PTK7: variants seen among roughly 807,000 people sequenced by gnomAD.
PTK7 encodes inactive tyrosine-protein kinase 7.
Under a neutral mutation model 116.6 loss-of-function variants are expected in PTK7, and 39 were observed. The observed-to-expected ratio is 0.33, with a 90% CI of 0.26 to 0.44. PTK7 has a LOEUF of 0.44. Ranked by LOEUF, PTK7 falls within the 20% of genes least tolerant of loss-of-function variation. PTK7 has a pLI of 1.00. For synonymous variants in PTK7, 546 were observed against 563.6 expected (o/e 0.97, Z 0.44); for missense variants, 1,169 against 1,425.6 (o/e 0.82, Z 2.90).
intron 1 of PTK7, among the ~76,000 whole-genome samples, chr6:43,123,188 C>G (rs758392207): frequency 2.8e-4 from 42 of 152,074 alleles, no homozygotes; most frequent in African/African-American, 8.9e-4. Flanking sequence ...AACTCCTGAT[C>G]TTGTGATCCG....
chr6:43,093,707 T>A (rs561890728), intron 1 of PTK7, among the ~76,000 whole-genome samples: 1 of 152,174 alleles, frequency 6.6e-6, no homozygotes, highest in African/African-American at 2.4e-5. Flanking sequence ...TGACTGTGAG[T>A]GTCTAGGTTC....
At chr6:43,113,896 G>A (rs1351754232) in intron 1 of PTK7, among the ~76,000 whole-genome samples, 1 of 152,132 alleles carries the variant, frequency 6.6e-6, no homozygotes, top group Admixed American at 6.5e-5. Flanking sequence ...TCTGAATCTG[G>A]TGTATATATA....
intron 5 of PTK7, among the ~76,000 whole-genome samples, chr6:43,131,029 T>TCTCACACA (rs749691922): frequency 2.2e-5 from 3 of 133,756 alleles, no homozygotes; most frequent in African/African-American, 8.3e-5. Context: ...GGCAAAGACA[T>TCTCACACA]CACACACACA....
At chr6:43,105,228 C>T (rs556722186) in intron 1 of PTK7, among the ~76,000 whole-genome samples, 1 of 150,956 alleles carries the variant, frequency 6.6e-6, no homozygotes, top group Non-Finnish European at 1.5e-5. Flanking sequence ...CAGAAACCCT[C>T]TCATTATCAG....
In PTK7 at chr6:43,094,680, G is replaced by A. The variant is rs542499593; in HGVS notation, c.79+18113G>A. ...TTTTTAGTAGAGACGGGGTTTCAGC[G>A]TGTTAGCCAGGATGGTCTCGATCTC... is the stretch of plus-strand genomic sequence containing the variant. On this transcript the variant is annotated intron_variant, in intron 1 of 19. Coordinates refer to ENST00000230419, the MANE Select transcript of PTK7 (RefSeq NM_002821.5). Among the ~76,000 whole-genome samples the A allele has an allele frequency of 1.7e-3, 261 of 151,700 alleles. 4 individuals carry two copies. The highest frequency in any genetic ancestry group is 5.7e-3 in the African/African-American group (236 of 41,380).
At position 43,101,095 on chromosome 6, in the gene PTK7, G is replaced by A. The variant is rs199876480; in HGVS notation, c.79+24528G>A. On this transcript the variant is annotated intron_variant, in intron 1 of 19. Transcript: ENST00000230419. ...TAAAAATACAAAATTAGCCGGGCAT[G>A]GTGGCGCATGCCTGTAATCCCAGCT... 1.3e-4 allele frequency among the ~76,000 whole-genome samples: 20 copies of A among 152,180 alleles called. No individual in the cohort carries two copies. In the East Asian group the frequency reaches 3.9e-3, roughly 29 times the overall value.
intron 1 of PTK7, among the ~76,000 whole-genome samples, chr6:43,100,391 A>G (rs906345173): frequency 4.7e-5 from 7 of 150,086 alleles, no homozygotes; most frequent in African/African-American, 1.7e-4. Flanking sequence ...TCAAAAAAAA[A>G]AAAAAATCAT....
At chr6:43,086,638 C>T (rs1195593447) in intron 1 of PTK7, among the ~76,000 whole-genome samples, 1 of 152,108 alleles carries the variant, frequency 6.6e-6, no homozygotes. Flanking sequence ...AGTTTGAGAC[C>T]AGCCTAGGCA....
chr6:43,109,855 C>T (rs189005475), intron 1 of PTK7, among the ~76,000 whole-genome samples: 60 of 151,886 alleles, frequency 4.0e-4, no homozygotes, highest in Non-Finnish European at 6.5e-4. Flanking sequence ...CCCACGACCA[C>T]GCCCGGCTAA....
At chr6:43,111,566 T>C (rs574144447) in intron 1 of PTK7, among the ~76,000 whole-genome samples, 1 of 152,332 alleles carries the variant, frequency 6.6e-6, no homozygotes, top group East Asian at 1.9e-4. Context: ...CACATAATAC[T>C]TCCTATGTGC....
chr6:43,150,006 CAG>C (rs1770975339), intron 17 of PTK7, among the ~76,000 whole-genome samples: 1 of 152,140 alleles, frequency 6.6e-6, no homozygotes, highest in Non-Finnish European at 1.5e-5. Context: ...GAGTTAGTGA[CAG>C]AAATCAAAGA....
At chr6:43,077,428 G>T (rs568178029) in intron 1 of PTK7, among the ~76,000 whole-genome samples, 50 of 152,244 alleles carry the variant, frequency 3.3e-4, no homozygotes, top group African/African-American at 1.1e-3. Context: ...CTTTTCTTGG[G>T]GGGGGGCCTT....
intron 1 of PTK7, chr6:43,077,098 T>C: frequency 1.7e-6 from 2 of 1,192,182 alleles, no homozygotes; most frequent in Non-Finnish European, 2.2e-6. Flanking sequence ...TCCGAGTTCC[T>C]GGGCAAAGCT....
intron 10 of PTK7, among the ~76,000 whole-genome samples, chr6:43,140,170 C>T (rs898214992): frequency 3.3e-5 from 5 of 152,026 alleles, no homozygotes; most frequent in South Asian, 4.1e-4. Flanking sequence ...TGGAAGAGGC[C>T]GGGCGTGGTG....
At position 43,139,654 on chromosome 6, in the gene PTK7, T is replaced by C. The variant is rs1770270685; in HGVS notation, c.1618+129T>C. 1.4e-6 allele frequency: 2 copies of C among 1,411,062 alleles called. No homozygotes were observed. The highest frequency in any genetic ancestry group is 1.9e-6 in the Non-Finnish European group (2 of 1,051,220). The allele number at this position is 1,411,062 out of a possible 1,614,324, so 87.4% of individuals were successfully genotyped here. A position where few individuals can be genotyped will look rare whatever the true frequency, so the allele number is the denominator to read the frequency against. On this transcript the variant is annotated intron_variant, in intron 10 of 19. Coordinates refer to ENST00000230419, the MANE Select transcript of PTK7 (RefSeq NM_002821.5). The surrounding 1 kb of genome is among the most constrained non-coding windows in gnomAD (Gnocchi z 4.6). ...GATTAGACAAGCAGTGCAGGGCTGA[T>C]GTATAGTTTAGTTAGGAAGGAAAAA...
intron 1 of PTK7, among the ~76,000 whole-genome samples, chr6:43,080,394 A>G (rs902908779): frequency 1.3e-5 from 2 of 152,222 alleles, no homozygotes; most frequent in African/African-American, 4.8e-5. Context: ...AATACCTATT[A>G]CAATGGAAAT....
chr6:43,149,210 A>G (rs748397216), intron 17 of PTK7, among the ~76,000 whole-genome samples: 6 of 151,768 alleles, frequency 4.0e-5, no homozygotes, highest in Admixed American at 1.3e-4. Flanking sequence ...CATCTCTACT[A>G]AAAATACAAA....
chr6:43,106,478 G>C, intron 1 of PTK7, among the ~76,000 whole-genome samples: 1 of 151,308 alleles, frequency 6.6e-6, no homozygotes, highest in Non-Finnish European at 1.5e-5. Flanking sequence ...TAGATAATGG[G>C]GTCTTACTGT....
intron 7 of PTK7, among the ~76,000 whole-genome samples, chr6:43,136,809 T>TGGACCACATGGCC (rs1770069059): frequency 6.6e-6 from 1 of 152,054 alleles, no homozygotes; most frequent in Non-Finnish European, 1.5e-5. Context: ...GAGACCAGCC[T>TGGACCACATGGCC]GGACCACATG....
Sources: gnomAD v4.1 joint callset for allele counts (sites outside exome capture counted in the v4.1 genomes callset) on GRCh38, gnomAD v4.1.1 for gene constraint, Gnocchi (gnomAD v3.1) non-coding constraint, MANE v1.5 for transcripts, NCBI Gene and HGNC (gene_info 2026-07-23, HGNC 2026-07-21) for gene names.